ANKRD44: variants seen among roughly 807,000 people sequenced by gnomAD.
The protein encoded by ANKRD44 is ankyrin repeat domain 44.
In ANKRD44, 35 loss-of-function variants were observed where a neutral mutation model predicts 116.0. The ratio of observed to expected loss-of-function variants is 0.30; its 90% CI spans 0.23 to 0.40. The LOEUF is 0.40. Among genes scored for constraint, ANKRD44 ranks in the 10% least tolerant of loss-of-function variants. ANKRD44 has a pLI of 1.00. For missense variants in ANKRD44, 1,014 were observed against 1,242.6 expected (o/e 0.82, Z 2.77); for synonymous variants, 435 against 461.8 (o/e 0.94, Z 0.74).
chr2:197,042,162 T>G (rs1229268732), intron 16 of ANKRD44, among the ~76,000 whole-genome samples: 1 of 152,216 alleles, frequency 6.6e-6, no homozygotes, highest in Non-Finnish European at 1.5e-5. Flanking sequence ...AAATGGTTCC[T>G]ACTTTGAGTC....
At chr2:197,281,418 G>T (rs1312278396) in intron 1 of ANKRD44, among the ~76,000 whole-genome samples, 2 of 151,406 alleles carry the variant, frequency 1.3e-5, no homozygotes, top group African/African-American at 4.9e-5. Flanking sequence ...AGACCTTTTT[G>T]GTAGGTAGTT....
At chr2:197,060,353 T>C (rs2077284394) in intron 16 of ANKRD44, among the ~76,000 whole-genome samples, 1 of 152,246 alleles carries the variant, frequency 6.6e-6, no homozygotes, top group Non-Finnish European at 1.5e-5. Context: ...GGCACTGTGC[T>C]AGATACTTTA....
intron 17 of ANKRD44, among the ~76,000 whole-genome samples, chr2:197,024,829 G>C (rs986856487): frequency 6.6e-6 from 1 of 152,202 alleles, no homozygotes; most frequent in African/African-American, 2.4e-5. Flanking sequence ...TTTTCCACTT[G>C]TATATTGTTA....
intron 2 of ANKRD44, among the ~76,000 whole-genome samples, chr2:197,180,612 G>GA (rs1318567370): frequency 2.0e-5 from 3 of 151,238 alleles, no homozygotes; most frequent in Non-Finnish European, 2.9e-5. Flanking sequence ...TTATTAAAAA[G>GA]AAAAAAAATC....
chr2:197,123,713 T>C (rs1039156358), intron 6 of ANKRD44, among the ~76,000 whole-genome samples: 9 of 152,202 alleles, frequency 5.9e-5, no homozygotes, highest in African/African-American at 9.7e-5. Context: ...TGCTTCAGGA[T>C]CATTGCTCTA....
intron 25 of ANKRD44, among the ~76,000 whole-genome samples, chr2:196,996,690 G>C (rs2076017693): frequency 6.6e-6 from 1 of 151,970 alleles, no homozygotes; most frequent in South Asian, 2.1e-4. Context: ...GGATCACGAG[G>C]TCAGGAGTTC....
chr2:197,170,204 A>AAAAC (rs2080198416), intron 2 of ANKRD44, among the ~76,000 whole-genome samples: 1 of 149,970 alleles, frequency 6.7e-6, no homozygotes, highest in African/African-American at 2.5e-5. Flanking sequence ...AAAAAAAAAA[A>AAAAC]AAAAAAAAAA....
intron 16 of ANKRD44, among the ~76,000 whole-genome samples, chr2:197,038,132 C>T (rs1448904498): frequency 6.6e-6 from 1 of 151,980 alleles, no homozygotes; most frequent in Non-Finnish European, 1.5e-5. Context: ...CAAGAGTGGA[C>T]CTTGAGGTAA....
chr2:197,016,162 T>A, intron 17 of ANKRD44: 1 of 304,406 alleles, frequency 3.3e-6, no homozygotes, highest in South Asian at 2.9e-5. Flanking sequence ...GTCAGAAAAG[T>A]TACCGCAGCT....
chr2:197,215,371 T>A (rs1304592662), intron 1 of ANKRD44, among the ~76,000 whole-genome samples: 4 of 152,222 alleles, frequency 2.6e-5, no homozygotes, highest in African/African-American at 9.7e-5. Flanking sequence ...ATTTTGCATG[T>A]CATTGGCTAG....
intron 16 of ANKRD44, among the ~76,000 whole-genome samples, chr2:197,043,324 T>C (rs1279535556): frequency 2.0e-5 from 3 of 152,196 alleles, no homozygotes; most frequent in African/African-American, 7.2e-5. Flanking sequence ...CCTTTCTTAT[T>C]GTTCCCCATT....
At chr2:197,106,335 C>G (rs566526758) in intron 9 of ANKRD44, among the ~76,000 whole-genome samples, 14 of 152,024 alleles carry the variant, frequency 9.2e-5, no homozygotes, top group Non-Finnish European at 1.9e-4. Flanking sequence ...GTCCTAGCTA[C>G]TTGAGAGGCT....
In ANKRD44 at chr2:197,162,268, C is replaced by A. The variant is rs546614606; in HGVS notation, c.112-15163G>T. Among the ~76,000 whole-genome samples the A allele has an allele frequency of 3.3e-5, 5 of 152,312 alleles. No homozygotes were observed. The South Asian group carries it at 6.2e-4, about 19-fold the overall frequency. ...GTTCCAACATGATTTTCTCTTCCCA[C>A]CCTAAATGTGACAAGACATTGAGGC... is the stretch of plus-strand genomic sequence containing the variant. On this transcript the variant is annotated intron_variant, in intron 2 of 27. Transcript: ENST00000282272.
chr2:197,191,501 T>G (rs2125621225), intron 1 of ANKRD44, among the ~76,000 whole-genome samples: 1 of 152,240 alleles, frequency 6.6e-6, no homozygotes, highest in Middle Eastern at 3.4e-3. Flanking sequence ...GCACATCCAA[T>G]AAAATATTCT....
intron 24 of ANKRD44, 30 bp downstream of exon 24, chr2:196,998,877 A>T: frequency 6.2e-7 from 1 of 1,608,522 alleles, no homozygotes; most frequent in South Asian, 1.1e-5. Context: ...GCATGGGCAT[A>T]AGGGCAAAGT....
In ANKRD44 at chr2:197,187,012, G is replaced by T. The variant is rs2080692423; in HGVS notation, c.111+11C>A. 23 of 1,613,252 alleles carry T rather than the reference G, an allele frequency of 1.4e-5. No individual in the cohort carries two copies. The East Asian group carries it at 5.1e-4, about 36-fold the overall frequency. Reference sequence around the variant, plus strand: ...ACAGGGCCTGAGTAGCAAAACCACAGTATCTCTTACCAGAGTATTCACATC... The same window carrying T: ...ACAGGGCCTGAGTAGCAAAACCACATTATCTCTTACCAGAGTATTCACATC... On this transcript the variant is annotated intron_variant, in intron 2 of 27. Coordinates refer to ENST00000282272, the MANE Select transcript of ANKRD44 (RefSeq NM_001195144.2).
At chr2:197,257,179 T>A (rs2082471144) in intron 1 of ANKRD44, among the ~76,000 whole-genome samples, 1 of 152,238 alleles carries the variant, frequency 6.6e-6, no homozygotes, top group South Asian at 2.1e-4. Flanking sequence ...GCTATCACTG[T>A]GTAGGATTTC....
rs368355425 is a variant in ANKRD44 at position 197,290,285 on chromosome 2, C to T, written c.27+20293G>A. On this transcript the variant is annotated intron_variant, in intron 1 of 27. Coordinates refer to ENST00000282272, the MANE Select transcript of ANKRD44 (RefSeq NM_001195144.2). ...CTATTGTGTTGCAACTTTTTAATTA[C>T]GGCTATTCTTGCAGGAGTAAGGTGG... is the stretch of plus-strand genomic sequence containing the variant. Among the ~76,000 whole-genome samples, 297 of 152,246 alleles carry T rather than the reference C, an allele frequency of 2.0e-3. 1 individual carries two copies. Among genetic ancestry groups the T allele is most frequent in the African/African-American group, 6.7e-3 (277 of 41,556 alleles).
At chr2:197,068,408 AT>A (rs1559036703) in intron 16 of ANKRD44, among the ~76,000 whole-genome samples, 4 of 57,180 alleles carry the variant, frequency 7.0e-5, no homozygotes, top group African/African-American at 1.3e-4. Flanking sequence ...TAAAAATAAA[AT>A]AAAAAAAAAT....
Sources: allele counts gnomAD v4.1 joint callset (sites outside exome capture counted in the v4.1 genomes callset), GRCh38; gene constraint gnomAD v4.1.1; transcripts MANE v1.5; gene names NCBI Gene and HGNC (gene_info 2026-07-23, HGNC 2026-07-21).